ROCK2: variants seen among roughly 807,000 people sequenced by gnomAD.
ROCK2 encodes the protein Rho associated coiled-coil containing protein kinase 2.
ROCK2 carries 61 observed loss-of-function variants against 195.1 expected under a neutral mutation model. That is an observed-to-expected ratio of 0.31 (90% CI 0.25 to 0.39). ROCK2 has a LOEUF of 0.39. Ranked by LOEUF, ROCK2 falls within the 10% of genes least tolerant of loss-of-function variation. The pLI, the probability that ROCK2 is intolerant of heterozygous loss-of-function variation, is 1.00. For synonymous variants in ROCK2, 504 were observed against 545.5 expected (o/e 0.92, Z 1.06); for missense variants, 1,109 against 1,637.4 (o/e 0.68, Z 5.57).
rs1326472465 is a variant in ROCK2 at position 11,201,010 on chromosome 2, T to A, written c.2857A>T (p.Met953Leu). Residue 953 changes from methionine (M) to leucine (L), a missense_variant, in exon 23 of 33, where the codon ATG (methionine) becomes TTG (leucine). This residue lies in a region of ROCK2 where 542 missense variants were observed against 672.0 expected (regional missense o/e 0.81). Transcript: ENST00000315872. The surrounding 1 kb of genome is among the most constrained non-coding windows in gnomAD (Gnocchi z 4.6). Reference protein sequence around the residue: ...KIMKELEIKEMMARHKQELTE... With the variant: ...KIMKELEIKELMARHKQELTE... ...AGTTCCTGTTTGTGTCTAGCCATCATCTCTTTGATCTCCAGCTCTTTCATG... is the reference window on the plus strand; with the variant it reads ...AGTTCCTGTTTGTGTCTAGCCATCAACTCTTTGATCTCCAGCTCTTTCATG... 1 of 1,612,090 alleles carries A rather than the reference T, an allele frequency of 6.2e-7. No individual in the cohort carries two copies.
chr2:11,259,668 TA>T (rs66634019), intron 3 of ROCK2, among the ~76,000 whole-genome samples: 117,839 of 151,022 alleles, frequency 0.78, 47,222 homozygotes, highest in East Asian at 0.94. Context: ...AATTAGTAAT[TA>T]TCCTTAGTGA....
intron 1 of ROCK2, among the ~76,000 whole-genome samples, chr2:11,321,899 T>C (rs1021101706): frequency 2.0e-4 from 31 of 152,302 alleles, no homozygotes; most frequent in African/African-American, 7.2e-4. Context: ...TAACTCCCAG[T>C]ACCTCAAAAT....
At chr2:11,342,832 A>G (rs10202739) in intron 1 of ROCK2, among the ~76,000 whole-genome samples, 217 of 152,324 alleles carry the variant, frequency 1.4e-3, no homozygotes, top group African/African-American at 5.0e-3. Context: ...GAAAGACACT[A>G]TATAGCTAAA....
At chr2:11,329,602 T>A (rs539257770) in intron 1 of ROCK2, among the ~76,000 whole-genome samples, 1 of 152,140 alleles carries the variant, frequency 6.6e-6, no homozygotes, top group African/African-American at 2.4e-5. Flanking sequence ...TTTATTTGTA[T>A]CATCTGCTGT....
intron 4 of ROCK2, among the ~76,000 whole-genome samples, chr2:11,245,886 C>T (rs183949402): frequency 1.3e-5 from 2 of 152,210 alleles, no homozygotes; most frequent in Admixed American, 1.3e-4. Flanking sequence ...AATTGGTCAC[C>T]CTTATTTTGA....
chr2:11,256,947 C>A lies in ROCK2; in HGVS notation c.325-7149G>T, dbSNP rs1033039113. 9.3e-5 allele frequency among the ~76,000 whole-genome samples: 14 copies of A among 151,252 alleles called. 1 individual carries two copies. Among genetic ancestry groups the A allele is most frequent in the African/African-American group, 3.4e-4 (14 of 40,584 alleles). Reference sequence around the variant, plus strand: ...GAGGTTGAATTACGCTCCAAGGTCACCCCGACCAAAATTTTTAATGCAGGG... The same window carrying A: ...GAGGTTGAATTACGCTCCAAGGTCAACCCGACCAAAATTTTTAATGCAGGG... On this transcript the variant is annotated intron_variant, in intron 3 of 32. Transcript: ENST00000315872.
At chr2:11,296,270 A>G (rs561101028) in intron 1 of ROCK2, among the ~76,000 whole-genome samples, 1 of 152,286 alleles carries the variant, frequency 6.6e-6, no homozygotes, top group African/African-American at 2.4e-5. Context: ...CTGAATATAG[A>G]GCTATTCCAG....
At chr2:11,339,366 A>G (rs899530593) in intron 1 of ROCK2, among the ~76,000 whole-genome samples, 1 of 152,142 alleles carries the variant, frequency 6.6e-6, no homozygotes, top group African/African-American at 2.4e-5. Context: ...GAAATTTTCT[A>G]TAATAACATC....
At chr2:11,296,035 A>G (rs1291266890) in intron 1 of ROCK2, among the ~76,000 whole-genome samples, 18 of 148,822 alleles carry the variant, frequency 1.2e-4, no homozygotes, top group African/African-American at 4.4e-4. Flanking sequence ...AGAGAGAGAG[A>G]GAGAGAGAGA....
chr2:11,331,059 A>AGGAGGAGGAGG (rs1668751865), intron 1 of ROCK2, among the ~76,000 whole-genome samples: 2 of 119,400 alleles, frequency 1.7e-5, no homozygotes, highest in African/African-American at 6.5e-5. Context: ...GGAGGAGGAG[A>AGGAGGAGGAGG]AGAAGAAGAA....
intron 2 of ROCK2, among the ~76,000 whole-genome samples, chr2:11,287,043 TG>T (rs1213512679): frequency 7.2e-5 from 11 of 152,314 alleles, no homozygotes; most frequent in African/African-American, 2.4e-4. Context: ...CTCTGAAAAG[TG>T]GTAATCATAC....
chr2:11,339,239 T>C (rs1482893353), intron 1 of ROCK2, among the ~76,000 whole-genome samples: 1 of 152,166 alleles, frequency 6.6e-6, no homozygotes, highest in Non-Finnish European at 1.5e-5. Flanking sequence ...AAAGATGTAT[T>C]GATAGATGGA....
chr2:11,212,786 C>G (rs1664294252), intron 17 of ROCK2, among the ~76,000 whole-genome samples: 1 of 151,966 alleles, frequency 6.6e-6, no homozygotes, highest in Admixed American at 6.6e-5. Context: ...CTACTTCACA[C>G]AGTCTTTTCC....
intron 1 of ROCK2, among the ~76,000 whole-genome samples, chr2:11,325,919 A>T (rs906518856): frequency 2.0e-5 from 3 of 152,218 alleles, no homozygotes; most frequent in Non-Finnish European, 4.4e-5. Context: ...ATCTGGGAAC[A>T]ATGTGAGGTC....
At chr2:11,206,380 T>C (rs1239661449) in intron 20 of ROCK2, among the ~76,000 whole-genome samples, 1 of 152,072 alleles carries the variant, frequency 6.6e-6, no homozygotes, top group Non-Finnish European at 1.5e-5. Context: ...ATTAACTAGC[T>C]CTTACATCTG....
chr2:11,218,591 GA>G (rs1664512975), intron 10 of ROCK2, 125 bp from the exon 11 acceptor site: 2 of 636,244 alleles, frequency 3.1e-6, no homozygotes, highest in Middle Eastern at 3.4e-4. Flanking sequence ...TAAGTTTGAA[GA>G]AAAAATGTTT....
intron 9 of ROCK2, among the ~76,000 whole-genome samples, chr2:11,219,303 CAG>C (rs1664542060): frequency 8.4e-6 from 1 of 118,714 alleles, no homozygotes; most frequent in South Asian, 2.9e-4. Flanking sequence ...AGTTCGAGAC[CAG>C]TGTGATCAAC....
chr2:11,256,197 T>C (rs1198516154), intron 3 of ROCK2, among the ~76,000 whole-genome samples: 8 of 151,308 alleles, frequency 5.3e-5, no homozygotes, highest in African/African-American at 2.0e-4. Context: ...GGTTTGGATT[T>C]GTGCCCCCAC....
chr2:11,312,226 A>G (rs1668058206), intron 1 of ROCK2, among the ~76,000 whole-genome samples: 1 of 152,178 alleles, frequency 6.6e-6, no homozygotes, highest in African/African-American at 2.4e-5. Flanking sequence ...TTTAGCATAT[A>G]CTTTATATTC....
Sources: gnomAD v4.1 joint callset for allele counts (sites outside exome capture counted in the v4.1 genomes callset) on GRCh38, gnomAD v4.1.1 for gene constraint, gnomAD v4.1.1 regional missense constraint, Gnocchi (gnomAD v3.1) non-coding constraint, MANE v1.5 for transcripts, NCBI Gene and HGNC (gene_info 2026-07-23, HGNC 2026-07-21) for gene names.